The following ARHGAP15 variants were observed in gnomAD, a reference collection of about 807,000 sequenced individuals.
The protein encoded by ARHGAP15 is Rho GTPase activating protein 15, also known as rho GTPase-activating protein 15.
A neutral mutation model predicts 63.7 loss-of-function variants in ARHGAP15; 51 were observed. The observed-to-expected ratio is 0.80, with a 90% CI of 0.64 to 1.01. ARHGAP15 has a LOEUF of 1.01. Among genes scored for constraint, ARHGAP15 ranks in the 50% least tolerant of loss-of-function variants. The pLI, the probability that ARHGAP15 is intolerant of heterozygous loss-of-function variation, is 0.00. For synonymous variants in ARHGAP15, 191 were observed against 193.8 expected, an observed-to-expected ratio of 0.99 and a Z score of 0.12; for missense variants, 560 against 564.6, an observed-to-expected ratio of 0.99 and a Z score of 0.08.
chr2:143,435,316 C>T, intron 6 of ARHGAP15: 1 of 1,070,118 alleles, frequency 9.3e-7, no homozygotes, highest in Non-Finnish European at 1.1e-6. Flanking sequence ...GTTCTCTGAA[C>T]TTCCTGGCTT....
intron 13 of ARHGAP15, among the ~76,000 whole-genome samples, chr2:143,736,812 A>G (rs571093620): frequency 6.6e-6 from 1 of 152,364 alleles, no homozygotes; most frequent in South Asian, 2.1e-4. Context: ...GAAGGACTAG[A>G]TCTAAAAGAA....
At chr2:143,670,484 C>T (rs920399031) in intron 12 of ARHGAP15, among the ~76,000 whole-genome samples, 4 of 152,134 alleles carry the variant, frequency 2.6e-5, no homozygotes, top group Admixed American at 1.3e-4. Flanking sequence ...TCTGCCCACC[C>T]GTGCCAATTC....
At chr2:143,172,938 T>G (rs1342523987) in intron 2 of ARHGAP15, among the ~76,000 whole-genome samples, 1 of 151,994 alleles carries the variant, frequency 6.6e-6, no homozygotes, top group African/African-American at 2.4e-5. Context: ...CGTAGAAATA[T>G]AAGAGGGCTC....
intron 6 of ARHGAP15, among the ~76,000 whole-genome samples, chr2:143,381,569 A>G (rs980527967): frequency 6.6e-6 from 1 of 152,148 alleles, no homozygotes; most frequent in African/African-American, 2.4e-5. Context: ...TGTTGGAGGA[A>G]TCCTCTACTT....
chr2:143,727,959 A>AT (rs1247384945), intron 13 of ARHGAP15, among the ~76,000 whole-genome samples: 2 of 152,340 alleles, frequency 1.3e-5, no homozygotes, highest in African/African-American at 4.8e-5. Flanking sequence ...ACTATACTGA[A>AT]TTTTTTAAAA....
intron 8 of ARHGAP15, among the ~76,000 whole-genome samples, chr2:143,467,780 C>T (rs1691304004): frequency 6.6e-6 from 1 of 152,058 alleles, no homozygotes; most frequent in Non-Finnish European, 1.5e-5. Flanking sequence ...TTTACTGAGT[C>T]TATTGCTAAT....
intron 11 of ARHGAP15, among the ~76,000 whole-genome samples, chr2:143,586,899 ATCTCTCTC>A (rs1216029870): frequency 2.0e-5 from 3 of 149,166 alleles, no homozygotes; most frequent in Non-Finnish European, 3.0e-5. Context: ...CAATCTCTCA[ATCTCTCTC>A]TCTCTCTTTC....
chr2:143,490,504 TA>T (rs1692540403), intron 9 of ARHGAP15, among the ~76,000 whole-genome samples: 1 of 152,224 alleles, frequency 6.6e-6, no homozygotes, highest in African/African-American at 2.4e-5. Context: ...TCACACAATC[TA>T]AACTCAATCA....
intron 6 of ARHGAP15, among the ~76,000 whole-genome samples, chr2:143,334,880 C>A (rs540386369): frequency 2.6e-5 from 4 of 152,210 alleles, no homozygotes; most frequent in African/African-American, 9.6e-5. Flanking sequence ...CATCTGAGGT[C>A]GGGAGTTCGA....
At chr2:143,531,578 A>G (rs965769676) in intron 10 of ARHGAP15, among the ~76,000 whole-genome samples, 7 of 152,220 alleles carry the variant, frequency 4.6e-5, no homozygotes, top group East Asian at 1.9e-4. Context: ...AACCTCTACA[A>G]TTAATAGGCT....
intron 12 of ARHGAP15, among the ~76,000 whole-genome samples, chr2:143,628,440 G>A (rs764078363): frequency 2.6e-4 from 40 of 152,210 alleles, no homozygotes; most frequent in Non-Finnish European, 4.1e-4. Context: ...TGTTGCACCC[G>A]GTCAAAGCCA....
At chr2:143,601,905 G>C (rs1697785098) in intron 11 of ARHGAP15, among the ~76,000 whole-genome samples, 2 of 152,110 alleles carry the variant, frequency 1.3e-5, no homozygotes, top group South Asian at 4.1e-4. Context: ...TTTTTTACAA[G>C]ATATATATTT....
At position 143,133,485 on chromosome 2, in the gene ARHGAP15, T is replaced by C. The variant is rs77060272; in HGVS notation, c.-15+4019T>C. On this transcript the variant is annotated intron_variant, in intron 1 of 13. Transcript: ENST00000295095. Reference sequence around the variant, plus strand: ...AGGATGTATTTGTTTCTTCCATTTATCTCACTGTGAAGTGACATTTTCTTT... The same window carrying C: ...AGGATGTATTTGTTTCTTCCATTTACCTCACTGTGAAGTGACATTTTCTTT... Among the ~76,000 whole-genome samples the C allele has an allele frequency of 8.4e-3, 1,276 of 152,354 alleles. 15 individuals are homozygous for C. The highest frequency in any genetic ancestry group is 0.029 in the African/African-American group (1,206 of 41,586).
intron 4 of ARHGAP15, among the ~76,000 whole-genome samples, chr2:143,227,193 A>G (rs1574118796): frequency 6.6e-6 from 1 of 152,326 alleles, no homozygotes; most frequent in African/African-American, 2.4e-5. Flanking sequence ...GAACATATAT[A>G]TATTCTAACT....
chr2:143,432,651 C>T (rs1413387183), intron 6 of ARHGAP15, among the ~76,000 whole-genome samples: 1 of 152,002 alleles, frequency 6.6e-6, no homozygotes, highest in Admixed American at 6.6e-5. Flanking sequence ...CTATAATTTC[C>T]TGGGCATAAA....
intron 12 of ARHGAP15, among the ~76,000 whole-genome samples, chr2:143,679,659 GTGTGTGTGT>G (rs1683005513): frequency 7.8e-5 from 1 of 12,810 alleles, no homozygotes; most frequent in Non-Finnish European, 3.7e-4. Context: ...GTGTGCGTGT[GTGTGTGTGT>G]GTGTGTGTGT....
chr2:143,361,767 T>C (rs1686066643), intron 6 of ARHGAP15, among the ~76,000 whole-genome samples: 1 of 152,166 alleles, frequency 6.6e-6, no homozygotes, highest in Admixed American at 6.5e-5. Context: ...TCATAAACAA[T>C]ATTCACATCA....
At chr2:143,564,166 A>T (rs1696134121) in intron 11 of ARHGAP15, 1 of 152,272 alleles carries the variant, frequency 6.6e-6, no homozygotes, top group South Asian at 2.1e-4. Context: ...ACAGCATGGC[A>T]GCTGCCCTCA....
At chr2:143,611,854 G>A (rs1698267776) in intron 11 of ARHGAP15, among the ~76,000 whole-genome samples, 1 of 152,104 alleles carries the variant, frequency 6.6e-6, no homozygotes, top group Non-Finnish European at 1.5e-5. Context: ...AGTTTTCTTT[G>A]GTTCATTCCC....
Sources: gnomAD v4.1 joint callset for allele counts (sites outside exome capture counted in the v4.1 genomes callset) on GRCh38, gnomAD v4.1.1 for gene constraint, MANE v1.5 for transcripts, NCBI Gene and HGNC (gene_info 2026-07-23, HGNC 2026-07-21) for gene names.